Variants in SH3PXD2B observed in about 807,000 individuals in gnomAD.
SH3PXD2B encodes the protein SH3 and PX domain-containing protein 2B.
In SH3PXD2B, 37 loss-of-function variants were observed where a neutral mutation model predicts 73.1. That is an observed-to-expected ratio of 0.51 (90% CI 0.39 to 0.67). SH3PXD2B has a LOEUF of 0.67. SH3PXD2B is among the 30% of genes least tolerant of loss of function. The pLI, the probability that SH3PXD2B is intolerant of heterozygous loss-of-function variation, is 0.00. For synonymous variants in SH3PXD2B, 457 were observed against 480.5 expected (o/e 0.95, Z 0.64); for missense variants, 1,053 against 1,197.8 (o/e 0.88, Z 1.78).
In SH3PXD2B at chr5:172,336,424, C is replaced by G; in HGVS notation, c.*1945G>C. On this transcript the variant is annotated 3_prime_UTR_variant, in exon 13 of 13. Coordinates refer to ENST00000311601, the MANE Select transcript of SH3PXD2B (RefSeq NM_001017995.3). ...GGCCAAGTGGCAAGTGGGCCCTGCCCAAGCCTCTCTGGGAAATGGGATTTG... is the reference window on the plus strand; with the variant it reads ...GGCCAAGTGGCAAGTGGGCCCTGCCGAAGCCTCTCTGGGAAATGGGATTTG... 1 of 985,976 alleles carries G rather than the reference C, an allele frequency of 1.0e-6. No individual in the cohort carries two copies. The highest frequency in any genetic ancestry group is 1.1e-4 in the East Asian group (1 of 8,812). The allele number at this position is 985,976 out of a possible 1,614,324, so 61.1% of individuals were successfully genotyped here. A position where few individuals can be genotyped will look rare whatever the true frequency, so the allele number is the denominator to read the frequency against.
intron 1 of SH3PXD2B, among the ~76,000 whole-genome samples, chr5:172,439,690 G>GTGCACACA (rs1554087686): frequency 3.5e-5 from 4 of 113,232 alleles, no homozygotes; most frequent in East Asian, 3.5e-4. Flanking sequence ...GCGCACGCGC[G>GTGCACACA]CGCACACACA....
intron 10 of SH3PXD2B, among the ~76,000 whole-genome samples, chr5:172,348,703 CTATCTATTTATT>C (rs1485347899): frequency 1.1e-3 from 42 of 39,132 alleles, no homozygotes; most frequent in African/African-American, 2.9e-3. Context: ...ATCTATCTAT[CTATCTATTTATT>C]TATTTTTGAG....
chr5:172,454,160 A>T, intron 1 of SH3PXD2B, 118 bp downstream of exon 1: 1 of 666,030 alleles, frequency 1.5e-6, no homozygotes, highest in Admixed American at 3.1e-5. Context: ...AGCCGAGGGG[A>T]GAGCAGGGGA....
intron 5 of SH3PXD2B, among the ~76,000 whole-genome samples, chr5:172,380,209 C>A (rs1452975587): frequency 1.4e-5 from 2 of 142,546 alleles, no homozygotes; most frequent in African/African-American, 5.4e-5. Flanking sequence ...AGGCACGTAC[C>A]ACTATGCCCG....
downstream of SH3PXD2B, among the ~76,000 whole-genome samples, chr5:172,329,056 T>C (rs1474177382): frequency 8.5e-6 from 1 of 117,584 alleles, no homozygotes; most frequent in African/African-American, 3.5e-5. Flanking sequence ...TGTGTGTGTG[T>C]GTGTATATAT....
chr5:172,350,245 T>C, intron 10 of SH3PXD2B, 118 bp downstream of exon 10: 1 of 977,978 alleles, frequency 1.0e-6, no homozygotes, highest in Non-Finnish European at 1.5e-6. Flanking sequence ...TTTTCTTATC[T>C]GGAGGATGGG....
At chr5:172,373,186 C>A (rs146409123) in intron 6 of SH3PXD2B, among the ~76,000 whole-genome samples, 1,621 of 152,302 alleles carry the variant, frequency 0.011, 40 homozygotes, top group African/African-American at 0.037. Context: ...TGGGGTCTGG[C>A]GCCAAGGATG....
At chr5:172,442,232 C>T (rs142575602) in intron 1 of SH3PXD2B, among the ~76,000 whole-genome samples, 5 of 152,264 alleles carry the variant, frequency 3.3e-5, no homozygotes, top group African/African-American at 9.6e-5. Context: ...GCTGACTGCA[C>T]GGTCAGAGGT....
In SH3PXD2B at chr5:172,335,243, G is replaced by A; in HGVS notation, c.*3126C>T. ...TGTTAATAAGCAGGGGTGAGGGGAA[G>A]AAAAAAAAATCTCTGCCCACCTTTT... On this transcript the variant is annotated 3_prime_UTR_variant, in exon 13 of 13. Coordinates refer to ENST00000311601, the MANE Select transcript of SH3PXD2B (RefSeq NM_001017995.3). The A allele has an allele frequency of 9.5e-7, 1 of 1,056,108 alleles. No homozygotes were observed. Among genetic ancestry groups the A allele is most frequent in the Non-Finnish European group, 1.1e-6 (1 of 875,452 alleles). The allele number at this position is 1,056,108 out of a possible 1,614,324, so 65.4% of individuals were successfully genotyped here.
At chr5:172,410,765 A>G (rs1017743031) in intron 2 of SH3PXD2B, among the ~76,000 whole-genome samples, 3 of 152,250 alleles carry the variant, frequency 2.0e-5, no homozygotes, top group African/African-American at 4.8e-5. Context: ...TAACACGTAT[A>G]TAACAGTTCA....
At position 172,336,891 on chromosome 5, in the gene SH3PXD2B, A is replaced by G. The variant is rs144551299; in HGVS notation, c.*1478T>C. ...TCTGCCCTGGGTTTCTTCAAGGGAG[A>G]AAACAGATTTGGCAGTGCGTGAAAA... is the stretch of plus-strand genomic sequence containing the variant. On this transcript the variant is annotated 3_prime_UTR_variant, in exon 13 of 13. Transcript: ENST00000311601. 4,257 of 985,386 alleles carry G rather than the reference A, an allele frequency of 4.3e-3. 7 individuals carry two copies. Among genetic ancestry groups the G allele is most frequent in the Non-Finnish European group, 4.6e-3 (3,834 of 829,924 alleles). 61.0% of individuals were successfully genotyped at this position (985,386 alleles called of 1,614,324 possible).
chr5:172,354,027 G>A (rs1490594565), intron 8 of SH3PXD2B, 22 bp from the exon 9 acceptor site: 2 of 1,607,336 alleles, frequency 1.2e-6, no homozygotes, highest in Non-Finnish European at 8.5e-7. Flanking sequence ...AAAGGAAGCT[G>A]GGGTCAGAAG....
At chr5:172,369,198 T>C (rs1483870757) in intron 6 of SH3PXD2B, among the ~76,000 whole-genome samples, 2 of 151,254 alleles carry the variant, frequency 1.3e-5, no homozygotes, top group African/African-American at 4.9e-5. Context: ...CCTGGTTGAA[T>C]GTTTTTATGT....
At chr5:172,373,319 G>A (rs1757748078) in intron 6 of SH3PXD2B, among the ~76,000 whole-genome samples, 1 of 152,078 alleles carries the variant, frequency 6.6e-6, no homozygotes, top group South Asian at 2.1e-4. Flanking sequence ...AAGACCCAGG[G>A]TCCCTCCTTT....
chr5:172,393,911 T>C (rs186156717), intron 4 of SH3PXD2B, among the ~76,000 whole-genome samples: 60 of 151,950 alleles, frequency 3.9e-4, no homozygotes, highest in African/African-American at 1.4e-3. Context: ...GAATGTATAA[T>C]GGAATACTAC....
At chr5:172,429,635 G>C (rs539734311) in intron 1 of SH3PXD2B, among the ~76,000 whole-genome samples, 1 of 152,216 alleles carries the variant, frequency 6.6e-6, no homozygotes, top group South Asian at 2.1e-4. Context: ...GGGAGGAATT[G>C]GGGTGGGGTG....
intron 4 of SH3PXD2B, among the ~76,000 whole-genome samples, chr5:172,390,828 TGTGTG>T (rs1561919135): frequency 4.7e-5 from 6 of 126,660 alleles, no homozygotes; most frequent in Non-Finnish European, 9.6e-5. Flanking sequence ...TGTGTGTGTG[TGTGTG>T]TGTGTGTGTG....
chr5:172,325,565 G>A (rs1756432120), intron 12 of SH3PXD2B, among the ~76,000 whole-genome samples: 1 of 152,232 alleles, frequency 6.6e-6, no homozygotes, highest in African/African-American at 2.4e-5. Context: ...GCCTTGGCAT[G>A]TGGTGATGGC....
In SH3PXD2B at chr5:172,335,371, T is replaced by G. The variant is rs1017502595; in HGVS notation, c.*2998A>C. On this transcript the variant is annotated 3_prime_UTR_variant, in exon 13 of 13. Coordinates refer to ENST00000311601, the MANE Select transcript of SH3PXD2B (RefSeq NM_001017995.3). ...GGGTCACTTGATTCCCTGGAAGCCC[T>G]CCGCACACTTCCCTGCTAATGGCAG... The G allele has an allele frequency of 9.0e-6, 11 of 1,218,612 alleles. No homozygotes were observed. In the Admixed American group the frequency reaches 3.4e-4, roughly 38 times the overall value. 75.5% of individuals were successfully genotyped at this position (1,218,612 alleles called of 1,614,324 possible). A position where few individuals can be genotyped will look rare whatever the true frequency, so the allele number is the denominator to read the frequency against.
Sources: gnomAD v4.1 joint callset for allele counts (sites outside exome capture counted in the v4.1 genomes callset) on GRCh38, gnomAD v4.1.1 for gene constraint, MANE v1.5 for transcripts, NCBI Gene and HGNC (gene_info 2026-07-23, HGNC 2026-07-21) for gene names.